Variants in SLC25A40 observed in about 807,000 individuals in gnomAD.
SLC25A40 encodes the protein mitochondrial glutathione transporter SLC25A40.
SLC25A40 carries 41 observed loss-of-function variants against 46.5 expected under a neutral mutation model. The observed-to-expected ratio is 0.88, with a 90% confidence interval of 0.69 to 1.14. The LOEUF is 1.14. Among genes scored for constraint, SLC25A40 ranks in the 50% most tolerant of loss-of-function variants. The probability of loss-of-function intolerance (pLI) is 0.00; values close to 1 mark genes in which losing one functional copy is unlikely to be tolerated. For synonymous variants in SLC25A40, 126 were observed against 127.5 expected, an observed-to-expected ratio of 0.99 and a Z score of 0.08; for missense variants, 386 against 393.6, an observed-to-expected ratio of 0.98 and a Z score of 0.16.
intron 3 of SLC25A40, among the ~76,000 whole-genome samples, chr7:87,857,855 C>T (rs1256018447): frequency 2.6e-5 from 4 of 152,126 alleles, no homozygotes; most frequent in Non-Finnish European, 5.9e-5. Flanking sequence ...CCCGCAGGGT[C>T]GGGCAAAATA....
chr7:87,873,806 G>C (rs1305260477), intron 1 of SLC25A40, among the ~76,000 whole-genome samples: 11 of 152,136 alleles, frequency 7.2e-5, no homozygotes, highest in Admixed American at 7.2e-4. Context: ...CATTTCTCTT[G>C]ATTCACAGCC....
chr7:87,867,079 G>T (rs1207380357), intron 1 of SLC25A40, among the ~76,000 whole-genome samples: 1 of 152,208 alleles, frequency 6.6e-6, no homozygotes, highest in Non-Finnish European at 1.5e-5. Context: ...CCCAACATAT[G>T]CCTTAGGGAA....
intron 2 of SLC25A40, 38 bp from the exon 3 acceptor site, chr7:87,858,789 TG>T: frequency 8.8e-7 from 1 of 1,137,856 alleles, no homozygotes; most frequent in Non-Finnish European, 1.3e-6. Flanking sequence ...GCACATCCTC[TG>T]ATCTTTCAAA....
At chr7:87,849,791 T>C (rs1838479353) in intron 6 of SLC25A40, 90 bp downstream of exon 6, 3 of 934,690 alleles carry the variant, frequency 3.2e-6, no homozygotes, top group Non-Finnish European at 4.7e-6. Flanking sequence ...CATTCTAATA[T>C]TAAAAATGCA....
At chr7:87,853,792 C>G (rs1838556908) in intron 5 of SLC25A40, among the ~76,000 whole-genome samples, 1 of 152,152 alleles carries the variant, frequency 6.6e-6, no homozygotes, top group East Asian at 1.9e-4. Context: ...GGTGAGAACA[C>G]AACGGAAATG....
intron 10 of SLC25A40, among the ~76,000 whole-genome samples, chr7:87,838,310 T>G (rs951136127): frequency 1.3e-5 from 2 of 151,502 alleles, no homozygotes; most frequent in Non-Finnish European, 3.0e-5. Flanking sequence ...GTTTCTAATC[T>G]TGTAGAACTC....
intron 1 of SLC25A40, among the ~76,000 whole-genome samples, chr7:87,867,648 G>A (rs1838824776): frequency 6.6e-6 from 1 of 152,002 alleles, no homozygotes; most frequent in African/African-American, 2.4e-5. Flanking sequence ...ATTTCCTATA[G>A]ATTTATGTCC....
At chr7:87,857,279 A>G (rs2131011642) in intron 3 of SLC25A40, among the ~76,000 whole-genome samples, 1 of 152,292 alleles carries the variant, frequency 6.6e-6, no homozygotes, top group Admixed American at 6.5e-5. Context: ...CTTGCTTTCT[A>G]TTATAGACAT....
At chr7:87,854,380 T>C (rs1451418313) in intron 4 of SLC25A40, 70 bp from the exon 5 acceptor site, 22 of 874,240 alleles carry the variant, frequency 2.5e-5, no homozygotes, top group South Asian at 3.4e-5. Flanking sequence ...GATGAACAAA[T>C]TGACATCACA....
At position 87,843,761 on chromosome 7, in the gene SLC25A40, G is replaced by T. The variant is rs371146765; in HGVS notation, c.734C>A (p.Ser245Tyr). The T allele has an allele frequency of 3.1e-6, 5 of 1,602,918 alleles. No individual in the cohort carries two copies. The highest frequency in any genetic ancestry group is 3.4e-6 in the Non-Finnish European group (4 of 1,171,896). The change falls in exon 9 of 12, where the codon TCT becomes TAT. Residue 245 changes from serine (S) to tyrosine (Y), a missense_variant. Transcript: ENST00000341119. The part of the protein sequence containing the change: ...FMINFTSGAL[S>Y]GSFAAVATLP... ...ACAAAAGAATAAACTTACAGAACCA[G>T]ACAATGCCCCTGAAGTAAAGTTGAT...
intron 5 of SLC25A40, among the ~76,000 whole-genome samples, chr7:87,853,056 T>G (rs1003732878): frequency 6.6e-6 from 1 of 152,098 alleles, no homozygotes; most frequent in Non-Finnish European, 1.5e-5. Context: ...AAAGACAAAC[T>G]AGAAGTGGAA....
At chr7:87,867,570 G>C (rs1267393497) in intron 1 of SLC25A40, among the ~76,000 whole-genome samples, 1 of 152,156 alleles carries the variant, frequency 6.6e-6, no homozygotes, top group Non-Finnish European at 1.5e-5. Context: ...CATGTACTGT[G>C]TCTCTTTAGG....
chr7:87,858,605 AATCTAC>A lies in SLC25A40; in HGVS notation c.97+20_97+25del. ...AGCACTGACTCATTCAAAGTTACAT[AATCTAC>A]ATCAGTAACATAATTTTACCTATTA... On this transcript the variant is annotated intron_variant, in intron 3 of 11. Coordinates refer to ENST00000341119, the MANE Select transcript of SLC25A40 (RefSeq NM_018843.4). The A allele has an allele frequency of 7.9e-7, 1 of 1,263,436 alleles. No homozygotes were observed. Among genetic ancestry groups the A allele is most frequent in the South Asian group, 1.2e-5 (1 of 83,236 alleles). The allele number at this position is 1,263,436 out of a possible 1,614,324, so 78.3% of individuals were successfully genotyped here.
intron 1 of SLC25A40, among the ~76,000 whole-genome samples, chr7:87,875,024 T>C (rs1411307469): frequency 6.6e-6 from 1 of 152,234 alleles, no homozygotes; most frequent in Non-Finnish European, 1.5e-5. Flanking sequence ...AGCTTATATT[T>C]TGAAAATAAG....
chr7:87,856,461 A>AT, intron 3 of SLC25A40, 110 bp from the exon 4 acceptor site: 2 of 887,736 alleles, frequency 2.3e-6, no homozygotes, highest in Non-Finnish European at 3.8e-6. Context: ...TGGCTATATA[A>AT]TTGGTAAGCT....
intron 5 of SLC25A40, among the ~76,000 whole-genome samples, chr7:87,853,138 A>G (rs1838545320): frequency 6.6e-6 from 1 of 152,250 alleles, no homozygotes; most frequent in Non-Finnish European, 1.5e-5. Context: ...TCAAAATTCA[A>G]CAGTAAAACT....
intron 5 of SLC25A40, among the ~76,000 whole-genome samples, chr7:87,853,064 GA>G (rs1195532441): frequency 6.6e-6 from 1 of 151,962 alleles, no homozygotes; most frequent in Non-Finnish European, 1.5e-5. Context: ...ACTAGAAGTG[GA>G]AAAAAATATT....
chr7:87,838,797 CTTTATATAAATGA>C lies in SLC25A40; in HGVS notation c.824-2000_824-1988del, dbSNP rs540336998. 3.4e-4 allele frequency among the ~76,000 whole-genome samples: 52 copies of C among 151,648 alleles called. No homozygotes were observed. In the East Asian group the frequency reaches 3.5e-3, roughly 10 times the overall value. On this transcript the variant is annotated intron_variant, in intron 10 of 11. Transcript: ENST00000341119. ...TACTCTTCTTTGTCCTCCTTTTAAA[CTTTATATAAATGA>C]TATCACACTGCACACTTACTTCTGC... is the stretch of plus-strand genomic sequence containing the variant.
Position 87,850,243 on chromosome 7 carries a change from T to A in SLC25A40, c.265-295A>T, listed in dbSNP as rs770946992. On this transcript the variant is annotated intron_variant, in intron 5 of 11. Transcript: ENST00000341119. ...GAAAAGATTATTATAAGAAAGGAAG[T>A]AGAGCAAAAGCAGAGAACTGGTTAA... 1.2e-4 allele frequency among the ~76,000 whole-genome samples: 18 copies of A among 152,220 alleles called. No individual in the cohort carries two copies. The South Asian group carries it at 3.3e-3, about 28-fold the overall frequency.
Sources: allele counts gnomAD v4.1 joint callset (sites outside exome capture counted in the v4.1 genomes callset), GRCh38; gene constraint gnomAD v4.1.1; transcripts MANE v1.5; gene names NCBI Gene and HGNC (gene_info 2026-07-23, HGNC 2026-07-21).